CDH9: variants seen among roughly 807,000 people sequenced by gnomAD.
The protein encoded by CDH9 is cadherin-9.
In CDH9, 28 loss-of-function variants were observed where a neutral mutation model predicts 70.9. The observed-to-expected ratio is 0.40, with a 90% CI of 0.29 to 0.54. The LOEUF (loss-of-function observed/expected upper bound fraction) is 0.54, where lower values mean the gene tolerates loss of function less well. CDH9 is among the 20% of genes least tolerant of loss of function. The probability of loss-of-function intolerance (pLI) is 0.59; values close to 1 mark genes in which losing one functional copy is unlikely to be tolerated. For synonymous variants in CDH9, 409 were observed against 343.1 expected (o/e 1.19, Z -2.12); for missense variants, 874 against 984.4 (o/e 0.89, Z 1.50).
At chr5:26,925,675 G>A (rs1029628331) in intron 2 of CDH9, among the ~76,000 whole-genome samples, 3 of 151,876 alleles carry the variant, frequency 2.0e-5, no homozygotes, top group African/African-American at 7.3e-5. Context: ...GGGTTTTTAT[G>A]GTTTTAAGTC....
chr5:26,889,421 A>G (rs563985148), intron 9 of CDH9, among the ~76,000 whole-genome samples: 2 of 152,214 alleles, frequency 1.3e-5, no homozygotes, highest in East Asian at 3.9e-4. Flanking sequence ...GGCAAAATGT[A>G]ATCAAGAAAA....
chr5:26,915,720 A>G lies in CDH9; in HGVS notation c.433T>C (p.Phe145Leu), dbSNP rs1164728216. The G allele has an allele frequency of 1.2e-6, 2 of 1,613,058 alleles. No individual in the cohort carries two copies. The highest frequency in any genetic ancestry group is 1.7e-6 in the Non-Finnish European group (2 of 1,179,070). ...TTGATATCATGTATTTTAATGATAA[A>G]TTCCGATTCCGGTTCCACCTGCCGC... ...TGRQVEPESE[F>L]IIKIHDINDN... Residue 145 changes from phenylalanine to leucine, a missense_variant, in exon 3 of 12, where the codon TTT (phenylalanine) becomes CTT (leucine). Transcript: ENST00000231021.
At chr5:26,974,591 G>T (rs1463778935) in intron 2 of CDH9, among the ~76,000 whole-genome samples, 1 of 152,126 alleles carries the variant, frequency 6.6e-6, no homozygotes, top group Non-Finnish European at 1.5e-5. Context: ...AAACTTGTCT[G>T]AATGGATATT....
chr5:27,004,547 A>C (rs1742826128), intron 1 of CDH9, among the ~76,000 whole-genome samples: 1 of 152,138 alleles, frequency 6.6e-6, no homozygotes, highest in Non-Finnish European at 1.5e-5. Context: ...TAATGAGGAG[A>C]TTGAAATATC....
At chr5:26,895,716 C>A (rs1054463851) in intron 7 of CDH9, among the ~76,000 whole-genome samples, 5 of 151,968 alleles carry the variant, frequency 3.3e-5, no homozygotes, top group African/African-American at 1.2e-4. Context: ...TTGCAAGTGG[C>A]AGATGTATTT....
At chr5:27,020,748 T>A (rs573082678) in intron 1 of CDH9, among the ~76,000 whole-genome samples, 1,398 of 138,116 alleles carry the variant, frequency 0.01, 28 homozygotes, top group African/African-American at 0.038. Flanking sequence ...ACACACACAC[T>A]ATATATATAT....
intron 2 of CDH9, among the ~76,000 whole-genome samples, chr5:26,976,234 C>G (rs1742300604): frequency 6.6e-6 from 1 of 152,060 alleles, no homozygotes; most frequent in Non-Finnish European, 1.5e-5. Context: ...CTATTTCTAC[C>G]TTAACATAAA....
chr5:27,028,276 G>A (rs1401575194), intron 1 of CDH9: 1 of 151,912 alleles, frequency 6.6e-6, no homozygotes, highest in Non-Finnish European at 1.5e-5. Context: ...ATACTTGGGA[G>A]GTTGAATCAC....
At chr5:26,990,772 C>T (rs1461692551) in intron 1 of CDH9, among the ~76,000 whole-genome samples, 1 of 152,172 alleles carries the variant, frequency 6.6e-6, no homozygotes, top group Non-Finnish European at 1.5e-5. Flanking sequence ...GTTGACCACA[C>T]TGGTTACCCT....
intron 1 of CDH9, among the ~76,000 whole-genome samples, chr5:27,027,037 T>C (rs1272543823): frequency 2.6e-5 from 4 of 151,980 alleles, no homozygotes; most frequent in Non-Finnish European, 5.9e-5. Context: ...CAAACTCAAA[T>C]ACTTGGCATT....
intron 7 of CDH9, among the ~76,000 whole-genome samples, chr5:26,897,931 C>T (rs1207372712): frequency 1.3e-5 from 2 of 152,154 alleles, no homozygotes; most frequent in African/African-American, 4.8e-5. Context: ...ACCCCATCGT[C>T]TCAGCCCCAA....
At chr5:26,971,218 A>C (rs1459586756) in intron 2 of CDH9, among the ~76,000 whole-genome samples, 1 of 152,200 alleles carries the variant, frequency 6.6e-6, no homozygotes, top group Admixed American at 6.5e-5. Flanking sequence ...AAAATGGTCA[A>C]GATGAAGCAC....
intron 2 of CDH9, among the ~76,000 whole-genome samples, chr5:26,961,789 T>C (rs978232203): frequency 2.0e-5 from 3 of 152,146 alleles, no homozygotes; most frequent in Admixed American, 6.6e-5. Context: ...TCACCACCCA[T>C]AAACCTAGCA....
intron 2 of CDH9, 133 bp from the exon 3 acceptor site, chr5:26,916,057 G>T (rs1741143708): frequency 3.4e-6 from 2 of 585,764 alleles, no homozygotes; most frequent in Non-Finnish European, 5.8e-6. Flanking sequence ...CTTGACTTTT[G>T]CTGTGAGAGG....
chr5:27,006,896 G>A (rs539086377), intron 1 of CDH9, among the ~76,000 whole-genome samples: 2 of 152,062 alleles, frequency 1.3e-5, no homozygotes, highest in South Asian at 2.1e-4. Flanking sequence ...GACTCCTTGA[G>A]GAGTTTTCAC....
intron 1 of CDH9, among the ~76,000 whole-genome samples, chr5:27,017,536 C>T (rs968432944): frequency 1.3e-5 from 2 of 151,958 alleles, no homozygotes; most frequent in African/African-American, 4.8e-5. Flanking sequence ...AAAGCCTGTT[C>T]ACAGCATATC....
chr5:26,929,735 AG>A (rs1365844588), intron 2 of CDH9, among the ~76,000 whole-genome samples: 4 of 152,126 alleles, frequency 2.6e-5, no homozygotes, highest in African/African-American at 9.6e-5. Flanking sequence ...GGAATGAGCC[AG>A]GCACAGAAAA....
chr5:26,914,233 A>G (rs748774196), intron 3 of CDH9, among the ~76,000 whole-genome samples: 4 of 152,028 alleles, frequency 2.6e-5, no homozygotes, highest in Non-Finnish European at 4.4e-5. Context: ...GAGAAACAAT[A>G]ATATTTTACA....
At chr5:26,952,671 G>A (rs1299669292) in intron 2 of CDH9, among the ~76,000 whole-genome samples, 1 of 146,774 alleles carries the variant, frequency 6.8e-6, no homozygotes, top group Non-Finnish European at 1.5e-5. Context: ...AAAAAAAGAG[G>A]TGATTGGGTC....
Sources: gnomAD v4.1 joint callset for allele counts (sites outside exome capture counted in the v4.1 genomes callset) on GRCh38, gnomAD v4.1.1 for gene constraint, MANE v1.5 for transcripts, NCBI Gene and HGNC (gene_info 2026-07-23, HGNC 2026-07-21) for gene names.